RYR1: variants seen among roughly 807,000 people sequenced by gnomAD.
The protein encoded by RYR1 is central core disease of muscle.
Under a neutral mutation model 583.5 loss-of-function variants are expected in RYR1, and 342 were observed. The observed-to-expected ratio is 0.59, with a 90% CI of 0.54 to 0.64. The LOEUF is 0.64. RYR1 is among the 30% of genes least tolerant of loss of function. The pLI is 0.00. For missense variants in RYR1, 6,032 were observed against 6,917.2 expected (o/e 0.87, Z 4.54); for synonymous variants, 2,791 against 2,822.5 (o/e 0.99, Z 0.35).
Position 38,446,694 on chromosome 19 carries a change from A to G in RYR1, c.726A>G (p.Arg242=), listed in dbSNP as rs781385158. The G allele has an allele frequency of 8.7e-6, 14 of 1,613,788 alleles. No homozygotes were observed. The South Asian group carries it at 1.4e-4, about 16-fold the overall frequency. The stretch of plus-strand genomic sequence containing the variant: ...ACTTCACTCTCTTCTGTGTCCCCAG[A>G]CTTGTCTACTATGAGGGGGGAGCTG... ...ISPADSDDQR[R]LVYYEGGAVC... Residue 242 remains arginine (R), a splice_region_variant and synonymous_variant, in exon 9 of 106, where the codon AGA becomes AGG. Transcript: ENST00000359596.
chr19:38,580,290 C>A (rs189611167), intron 100 of RYR1, 80 bp from the exon 101 acceptor site: 1 of 1,597,144 alleles, frequency 6.3e-7, no homozygotes, highest in East Asian at 2.2e-5. Flanking sequence ...GGGACTGAAC[C>A]GGGGCCAGGA....
chr19:38,536,756 A>G lies in RYR1; in HGVS notation c.11597A>G (p.Asn3866Ser), dbSNP rs767107632. The G allele has an allele frequency of 3.2e-5, 51 of 1,613,518 alleles. No homozygotes were observed. The highest frequency in any genetic ancestry group is 1.3e-5 in the African/African-American group (1 of 74,752). The change falls in exon 83 of 106, where the codon AAT becomes AGT. Residue 3866 changes from asparagine (N) to serine (S), a missense_variant. Transcript: ENST00000359596. ...ATCCTGTTGGCTGCCCCAGTCATCAATCGCCAGAACGGTAATTCCCCCAGC... is the reference window on the plus strand; with the variant it reads ...ATCCTGTTGGCTGCCCCAGTCATCAGTCGCCAGAACGGTAATTCCCCCAGC... ...GMVNEDGTVI[N>S]RQNGEKVMAD...
Position 38,444,725 on chromosome 19 carries a change from C to G in RYR1, c.631+48C>G. 1 of 1,415,184 alleles carries G rather than the reference C, an allele frequency of 7.1e-7. No individual in the cohort carries two copies. The allele number at this position is 1,415,184 out of a possible 1,614,324, so 87.7% of individuals were successfully genotyped here. A position where few individuals can be genotyped will look rare whatever the true frequency, so the allele number is the denominator to read the frequency against. On this transcript the variant is annotated intron_variant, in intron 7 of 105. Coordinates refer to ENST00000359596, the MANE Select transcript of RYR1 (RefSeq NM_000540.3). The surrounding 1 kb of genome is among the most constrained non-coding windows in gnomAD (Gnocchi z 5.1). ...TAAATGGAGATCCCCCCAAAACAGA[C>G]CCTTAATGTTGCCCTTCAGGCATAC... is the stretch of plus-strand genomic sequence containing the variant.
chr19:38,466,474 C>G, intron 24 of RYR1, 76 bp downstream of exon 24: 1 of 1,373,150 alleles, frequency 7.3e-7, no homozygotes, highest in Non-Finnish European at 1.0e-6. Context: ...GATCTCTGAC[C>G]TGACTCAGCC....
chr19:38,446,298 C>T (rs1053166562), intron 7 of RYR1, among the ~76,000 whole-genome samples, 174 bp from the exon 8 acceptor site: 19 of 152,192 alleles, frequency 1.2e-4, no homozygotes, highest in African/African-American at 4.6e-4. Flanking sequence ...ATCCCCACTT[C>T]AGGCCTCAAC....
intron 38 of RYR1, among the ~76,000 whole-genome samples, 190 bp downstream of exon 38, chr19:38,492,826 T>C (rs1006199061): frequency 6.6e-6 from 1 of 152,042 alleles, no homozygotes; most frequent in Non-Finnish European, 1.5e-5. Flanking sequence ...CCCAGCACTT[T>C]GGGAGGCTGA....
chr19:38,464,193 T>C (rs1370606209), intron 22 of RYR1, among the ~76,000 whole-genome samples: 1 of 140,208 alleles, frequency 7.1e-6, no homozygotes, highest in Non-Finnish European at 1.5e-5. Context: ...AGGAGAATCA[T>C]TTGAACCTGG....
At chr19:38,464,264 G>T in intron 22 of RYR1, among the ~76,000 whole-genome samples, 1 of 114,726 alleles carries the variant, frequency 8.7e-6, no homozygotes, top group African/African-American at 3.5e-5. Flanking sequence ...GCGACAGAGC[G>T]AGACACCGTT....
intron 38 of RYR1, among the ~76,000 whole-genome samples, chr19:38,493,081 A>G (rs1225076863): frequency 6.6e-6 from 1 of 151,966 alleles, no homozygotes. Context: ...AAAAAAAACA[A>G]AAACAAAGAT....
chr19:38,463,344 A>T, intron 20 of RYR1, 79 bp from the exon 21 acceptor site: 1 of 1,223,486 alleles, frequency 8.2e-7, no homozygotes, highest in Non-Finnish European at 1.2e-6. Context: ...CAGGGCTCAC[A>T]GGTGTTCTTG....
At chr19:38,532,440 T>TG in intron 76 of RYR1, 50 bp from the exon 77 acceptor site, 1 of 1,594,512 alleles carries the variant, frequency 6.3e-7, no homozygotes, top group Non-Finnish European at 8.6e-7. Flanking sequence ...TCTTATAAGA[T>TG]GGGGGTCCTC....
chr19:38,434,011 C>CA, intron 1 of RYR1, 137 bp downstream of exon 1: 1 of 802,984 alleles, frequency 1.2e-6, no homozygotes, highest in East Asian at 2.4e-5. Flanking sequence ...CTTTGAGTGA[C>CA]TGTCACTCTG....
rs765921831 is a variant in RYR1, at chr19:38,507,737, TC to T, written c.8843del (p.Ser2948CysfsTer58). The T allele has an allele frequency of 2.3e-5, 37 of 1,613,398 alleles. No homozygotes were observed. The highest frequency in any genetic ancestry group is 2.7e-5 in the Non-Finnish European group (32 of 1,179,354). ...AGGCCTTAAGGACATGGAACTGGAC[TC>T]GTCTTCCATTGAAAAGCGGTTTGCC... ...TRGLKDMELD[S>X]SSIEKRFAFG... On this transcript the variant is annotated frameshift_variant, in exon 58 of 106. Coordinates refer to ENST00000359596, the MANE Select transcript of RYR1 (RefSeq NM_000540.3). LOFTEE classifies it high-confidence loss of function.
chr19:38,473,301 G>C (rs1341709474), intron 27 of RYR1, 76 bp from the exon 28 acceptor site: 3 of 1,565,500 alleles, frequency 1.9e-6, no homozygotes, highest in East Asian at 2.2e-5. Context: ...GTGGCTCCGT[G>C]TGTGACCAGG....
rs148633706 is a variant in RYR1 at position 38,566,274 on chromosome 19, C to T, written c.13437+503C>T. ...GACCATCCTGGCCACCGTGGTGGAACCCCGTCTCTACTAAAAATATAAAAA... is the reference window on the plus strand; with the variant it reads ...GACCATCCTGGCCACCGTGGTGGAATCCCGTCTCTACTAAAAATATAAAAA... On this transcript the variant is annotated intron_variant, in intron 91 of 105. Coordinates refer to ENST00000359596, the MANE Select transcript of RYR1 (RefSeq NM_000540.3). Among the ~76,000 whole-genome samples, 10 of 151,574 alleles carry T rather than the reference C, an allele frequency of 6.6e-5. No individual in the cohort carries two copies. The East Asian group carries it at 1.9e-3, about 30-fold the overall frequency.
At position 38,499,520 on chromosome 19, in the gene RYR1, G is replaced by T; in HGVS notation, c.7028-115G>T. On this transcript the variant is annotated intron_variant, in intron 43 of 105. Transcript: ENST00000359596. This position sits in a 1 kb window ranked among gnomAD's most constrained non-coding sequence, Gnocchi z 7.3. Reference sequence around the variant, plus strand: ...CCTGGTGTTACCTCTGGAGGTGTTGGGTCCTGGAGCTGGATGGGACCTGTG... The same window carrying T: ...CCTGGTGTTACCTCTGGAGGTGTTGTGTCCTGGAGCTGGATGGGACCTGTG... The T allele has an allele frequency of 8.0e-7, 1 of 1,253,820 alleles. No individual in the cohort carries two copies. The highest frequency in any genetic ancestry group is 1.1e-6 in the Non-Finnish European group (1 of 891,572). 77.7% of individuals were successfully genotyped at this position (1,253,820 alleles called of 1,614,324 possible). A position where few individuals can be genotyped will look rare whatever the true frequency, so the allele number is the denominator to read the frequency against.
chr19:38,510,410 C>T (rs1161097522), intron 58 of RYR1, 88 bp from the exon 59 acceptor site: 6 of 1,349,546 alleles, frequency 4.4e-6, no homozygotes, highest in Middle Eastern at 2.0e-4. Context: ...CATCATTTCC[C>T]AACTCTGCTC....
Position 38,565,758 on chromosome 19 carries a change from A to G in RYR1, c.13424A>G (p.Lys4475Arg), listed in dbSNP as rs1973390131. 4 of 1,409,920 alleles carry G rather than the reference A, an allele frequency of 2.8e-6. No homozygotes were observed. The highest frequency in any genetic ancestry group is 1.5e-5 in the South Asian group (1 of 65,448). The allele number at this position is 1,409,920 out of a possible 1,614,324, so 87.3% of individuals were successfully genotyped here. A position where few individuals can be genotyped will look rare whatever the true frequency, so the allele number is the denominator to read the frequency against. The change falls in exon 91 of 106, where the codon AAG becomes AGG. Residue 4475 changes from lysine (K) to arginine (R), a missense_variant. Lys to Arg is a conservative substitution (Grantham distance 26, BLOSUM62 2). Transcript: ENST00000359596. This position sits in a 1 kb window ranked among gnomAD's most constrained non-coding sequence, Gnocchi z 4.7. The part of the protein sequence containing the change: ...PPTPEGSPIL[K>R]RKLGVDGVEE... ...ACACCCGAGGGCTCTCCCATCCTCA[A>G]GAGGAAATTGGGGGTGAGAGAGCAG...
At chr19:38,468,114 A>T (rs1380812834) in intron 25 of RYR1, among the ~76,000 whole-genome samples, 1 of 149,272 alleles carries the variant, frequency 6.7e-6, no homozygotes, top group Non-Finnish European at 1.5e-5. Flanking sequence ...CCAGCTAACC[A>T]ACCATCCATT....
Sources: gnomAD v4.1 joint callset for allele counts (sites outside exome capture counted in the v4.1 genomes callset) on GRCh38, gnomAD v4.1.1 for gene constraint, Gnocchi (gnomAD v3.1) non-coding constraint, MANE v1.5 for transcripts, NCBI Gene and HGNC (gene_info 2026-07-23, HGNC 2026-07-21) for gene names.